HPSE2: variants seen among roughly 807,000 people sequenced by gnomAD.
The protein encoded by HPSE2 is heparanase 2 (inactive), also known as inactive heparanase-2.
HPSE2 carries 38 observed loss-of-function variants against 60.5 expected under a neutral mutation model. That is an observed-to-expected ratio of 0.63 (90% CI 0.48 to 0.82). The LOEUF is 0.82. Among genes scored for constraint, HPSE2 ranks in the 40% least tolerant of loss-of-function variants. The pLI, the probability that HPSE2 is intolerant of heterozygous loss-of-function variation, is 0.00. For synonymous variants in HPSE2, 295 were observed against 293.2 expected (o/e 1.01, Z -0.06); for missense variants, 713 against 740.4 (o/e 0.96, Z 0.43).
chr10:98,936,944 A>G lies in HPSE2; in HGVS notation c.611-192888T>C, dbSNP rs1192002042. On this transcript the variant is annotated intron_variant, in intron 3 of 11. Transcript: ENST00000370552. Reference sequence around the variant, plus strand: ...CAGTGAGCTGAGACAGCACTACTACACTCCAAACTGGGCGACAGTAGGAGA... The same window carrying G: ...CAGTGAGCTGAGACAGCACTACTACGCTCCAAACTGGGCGACAGTAGGAGA... 4.4e-5 allele frequency among the ~76,000 whole-genome samples: 5 copies of G among 113,032 alleles called. 1 individual carries two copies. Among genetic ancestry groups the G allele is most frequent in the Admixed American group, 2.2e-4 (2 of 8,960 alleles). The allele number at this position is 113,032 out of a possible 152,430, so 74.2% of individuals were successfully genotyped here.
chr10:98,501,555 G>A (rs1321150627), intron 9 of HPSE2, among the ~76,000 whole-genome samples: 1 of 152,128 alleles, frequency 6.6e-6, no homozygotes, highest in Non-Finnish European at 1.5e-5. Flanking sequence ...ATACCTCAAT[G>A]TAATAAAAGC....
chr10:98,989,939 GT>G (rs879471061), intron 3 of HPSE2, among the ~76,000 whole-genome samples: 1 of 152,120 alleles, frequency 6.6e-6, no homozygotes, highest in African/African-American at 2.4e-5. Flanking sequence ...CCCTAGTGAT[GT>G]TTGTTTTTTA....
chr10:98,561,905 CT>C (rs1944196832), intron 9 of HPSE2, among the ~76,000 whole-genome samples: 1 of 152,052 alleles, frequency 6.6e-6, no homozygotes, highest in Non-Finnish European at 1.5e-5. Context: ...TTTTAAATAA[CT>C]TTAGTGTAGT....
chr10:98,773,961 T>C (rs1256068959), intron 3 of HPSE2, among the ~76,000 whole-genome samples: 3 of 151,700 alleles, frequency 2.0e-5, no homozygotes, highest in African/African-American at 7.3e-5. Flanking sequence ...GGGGCTGAGG[T>C]GGGAGGATCA....
intron 3 of HPSE2, among the ~76,000 whole-genome samples, chr10:98,963,587 G>A (rs1564695094): frequency 6.6e-6 from 1 of 152,000 alleles, no homozygotes; most frequent in Non-Finnish European, 1.5e-5. Flanking sequence ...TTTTATATTT[G>A]GTTTCTATAT....
chr10:98,612,843 A>G (rs892905359), intron 9 of HPSE2, among the ~76,000 whole-genome samples: 24 of 152,296 alleles, frequency 1.6e-4, no homozygotes, highest in Middle Eastern at 3.4e-3. Context: ...GTGGCTTTTC[A>G]TACTATCTAC....
chr10:98,821,520 C>T (rs567177645), intron 3 of HPSE2, among the ~76,000 whole-genome samples: 17 of 152,236 alleles, frequency 1.1e-4, no homozygotes, highest in African/African-American at 3.6e-4. Flanking sequence ...ACATGCAGCA[C>T]GTGACTATAG....
upstream of HPSE2, among the ~76,000 whole-genome samples, chr10:99,239,348 G>A (rs1315131793): frequency 2.0e-5 from 3 of 146,366 alleles, no homozygotes; most frequent in Admixed American, 1.4e-4. Flanking sequence ...CTGATTCAGT[G>A]ATTTCTAGAC....
chr10:98,822,147 G>T lies in HPSE2; in HGVS notation c.611-78091C>A, dbSNP rs142797412. Among the ~76,000 whole-genome samples the T allele has an allele frequency of 1.6e-4, 25 of 152,188 alleles. No individual in the cohort carries two copies. The East Asian group carries it at 4.8e-3, about 29-fold the overall frequency. Reference sequence around the variant, plus strand: ...TTTTATAAAGCAGTATTATTAGTGGGGAAACATTTCAAGGGCTGCCAAATA... The same window carrying T: ...TTTTATAAAGCAGTATTATTAGTGGTGAAACATTTCAAGGGCTGCCAAATA... On this transcript the variant is annotated intron_variant, in intron 3 of 11. Transcript: ENST00000370552.
chr10:98,606,200 A>G (rs1347895877), intron 9 of HPSE2, among the ~76,000 whole-genome samples: 1 of 152,246 alleles, frequency 6.6e-6, no homozygotes, highest in Non-Finnish European at 1.5e-5. Flanking sequence ...AAATGAATGA[A>G]TGATAGACAG....
At chr10:99,158,558 T>G (rs1041054018) in intron 2 of HPSE2, among the ~76,000 whole-genome samples, 66 of 138,378 alleles carry the variant, frequency 4.8e-4, no homozygotes, top group Non-Finnish European at 2.8e-4. Context: ...AACAATGAGA[T>G]CACATGGACA....
At chr10:98,519,939 G>C (rs1442078457) in intron 9 of HPSE2, among the ~76,000 whole-genome samples, 1 of 152,190 alleles carries the variant, frequency 6.6e-6, no homozygotes, top group African/African-American at 2.4e-5. Context: ...ACATACATGA[G>C]AGCCAAATTG....
intron 3 of HPSE2, among the ~76,000 whole-genome samples, chr10:98,979,959 C>T (rs530294677): frequency 6.6e-6 from 1 of 152,124 alleles, no homozygotes. Context: ...AGTGGATATC[C>T]ATTTTTGTAT....
intron 6 of HPSE2, among the ~76,000 whole-genome samples, chr10:98,685,747 T>A (rs951477874): frequency 6.6e-6 from 1 of 152,188 alleles, no homozygotes; most frequent in African/African-American, 2.4e-5. Context: ...TATGTTTTCA[T>A]TTCCTTTGGG....
intron 3 of HPSE2, among the ~76,000 whole-genome samples, chr10:98,971,432 ACATTCATATCCC>A (rs1955950014): frequency 6.6e-6 from 1 of 152,182 alleles, no homozygotes; most frequent in African/African-American, 2.4e-5. Context: ...TACCCATAAC[ACATTCATATCCC>A]CATTCATAAG....
At chr10:98,613,067 C>T (rs1237955766) in intron 9 of HPSE2, among the ~76,000 whole-genome samples, 1 of 152,184 alleles carries the variant, frequency 6.6e-6, no homozygotes, top group Non-Finnish European at 1.5e-5. Context: ...TGGCTCTTTA[C>T]TGTCATTGGC....
At chr10:98,753,549 T>G (rs1482962952) in intron 3 of HPSE2, among the ~76,000 whole-genome samples, 1 of 152,214 alleles carries the variant, frequency 6.6e-6, no homozygotes, top group Admixed American at 6.5e-5. Context: ...TATCAATACA[T>G]TGGAATATTA....
chr10:98,682,975 G>C (rs1947823733), intron 6 of HPSE2, among the ~76,000 whole-genome samples: 1 of 152,170 alleles, frequency 6.6e-6, no homozygotes, highest in Non-Finnish European at 1.5e-5. Context: ...TATGTGAAAG[G>C]CTATATTCTA....
At chr10:99,083,382 G>A (rs1422533648) in intron 3 of HPSE2, among the ~76,000 whole-genome samples, 1 of 152,178 alleles carries the variant, frequency 6.6e-6, no homozygotes, top group Non-Finnish European at 1.5e-5. Context: ...AAAGGAAAAT[G>A]TGAACTAGAT....
Sources: allele counts gnomAD v4.1 joint callset (sites outside exome capture counted in the v4.1 genomes callset), GRCh38; gene constraint gnomAD v4.1.1; transcripts MANE v1.5; gene names NCBI Gene and HGNC (gene_info 2026-07-23, HGNC 2026-07-21).